The following GNPDA2 variants were observed in gnomAD, a reference collection of about 807,000 sequenced individuals.
GNPDA2 encodes glcN6P deaminase 2.
A neutral mutation model predicts 27.0 loss-of-function variants in GNPDA2; 24 were observed. The ratio of observed to expected loss-of-function variants is 0.89; its 90% CI spans 0.64 to 1.25. The LOEUF is 1.25. GNPDA2 is among the 50% of genes most tolerant of loss of function. The pLI is 0.00. For synonymous variants in GNPDA2, 94 were observed against 108.4 expected (o/e 0.87, Z 0.83); for missense variants, 286 against 335.1 (o/e 0.85, Z 1.14).
At chr4:44,721,640 A>G (rs1294257704) in intron 2 of GNPDA2, among the ~76,000 whole-genome samples, 58 of 151,832 alleles carry the variant, frequency 3.8e-4, no homozygotes, top group East Asian at 3.9e-4. Context: ...TATATAATAT[A>G]TAATTTATAA....
intron 2 of GNPDA2, among the ~76,000 whole-genome samples, chr4:44,720,826 T>C (rs1717617108): frequency 6.6e-6 from 1 of 152,110 alleles, no homozygotes; most frequent in Non-Finnish European, 1.5e-5. Context: ...GTTGTAGATC[T>C]AAATACACAA....
rs1204481692 is a variant in GNPDA2 at position 44,701,836 on chromosome 4, C to G, written c.*1245G>C. Reference sequence around the variant, plus strand: ...ATTAAAGCAGCATAATTTACCCCATCCCCCACTTTTAACCATAAAACCCTA... The same window carrying G: ...ATTAAAGCAGCATAATTTACCCCATGCCCCACTTTTAACCATAAAACCCTA... On this transcript the variant is annotated 3_prime_UTR_variant, in exon 7 of 7. Transcript: ENST00000295448. 1 of 984,170 alleles carries G rather than the reference C, an allele frequency of 1.0e-6. No homozygotes were observed. Among genetic ancestry groups the G allele is most frequent in the East Asian group, 1.1e-4 (1 of 8,794 alleles). 61.0% of individuals were successfully genotyped at this position (984,170 alleles called of 1,614,324 possible).
chr4:44,722,018 C>A, intron 2 of GNPDA2, 66 bp downstream of exon 2: 1 of 1,235,320 alleles, frequency 8.1e-7, no homozygotes, highest in Non-Finnish European at 1.2e-6. Flanking sequence ...AAAAGAAACC[C>A]TTCAATTCCA....
At chr4:44,705,247 G>T in intron 6 of GNPDA2, 1 of 978,826 alleles carries the variant, frequency 1.0e-6, no homozygotes, top group Non-Finnish European at 1.2e-6. Flanking sequence ...CTCAATGGAG[G>T]TATGAAAAGT....
chr4:44,724,585 T>C (rs1327255747), intron 1 of GNPDA2, among the ~76,000 whole-genome samples: 1 of 152,050 alleles, frequency 6.6e-6, no homozygotes, highest in African/African-American at 2.4e-5. Context: ...TTATATTAAA[T>C]GGATCAGTCA....
At chr4:44,723,009 C>A (rs566596687) in intron 1 of GNPDA2, among the ~76,000 whole-genome samples, 154 of 152,190 alleles carry the variant, frequency 1.0e-3, no homozygotes, top group Admixed American at 2.2e-3. Context: ...ACAAAGTGAA[C>A]TAAATAAACT....
At chr4:44,707,264 T>C (rs1476986001) in intron 6 of GNPDA2, 1 of 155,114 alleles carries the variant, frequency 6.4e-6, no homozygotes, top group Non-Finnish European at 1.4e-5. Flanking sequence ...TATTTTAACA[T>C]TTAGACATTA....
rs1716352910 is a variant in GNPDA2, at chr4:44,702,734, A to G, written c.*347T>C. 2 of 1,073,678 alleles carry G rather than the reference A, an allele frequency of 1.9e-6. No homozygotes were observed. The highest frequency in any genetic ancestry group is 2.3e-6 in the Non-Finnish European group (2 of 887,812). 66.5% of individuals were successfully genotyped at this position (1,073,678 alleles called of 1,614,324 possible). A position where few individuals can be genotyped will look rare whatever the true frequency, so the allele number is the denominator to read the frequency against. On this transcript the variant is annotated 3_prime_UTR_variant, in exon 7 of 7. Coordinates refer to ENST00000295448, the MANE Select transcript of GNPDA2 (RefSeq NM_138335.3). Reference sequence around the variant, plus strand: ...GGAGTGTCTTGTCATTAAAAAATGAAATATACGCCACTGGAGTCATATCAC... The same window carrying G: ...GGAGTGTCTTGTCATTAAAAAATGAGATATACGCCACTGGAGTCATATCAC...
chr4:44,712,747 T>C (rs951866095), intron 4 of GNPDA2, among the ~76,000 whole-genome samples: 1 of 152,180 alleles, frequency 6.6e-6, no homozygotes, highest in Non-Finnish European at 1.5e-5. Flanking sequence ...TATAGAAGTG[T>C]ACAGCTAAGC....
chr4:44,726,451 G>T (rs888972331), intron 1 of GNPDA2, 23 bp downstream of exon 1: 1 of 152,216 alleles, frequency 6.6e-6, no homozygotes, highest in Non-Finnish European at 1.5e-5. Flanking sequence ...TGGCGCCCCC[G>T]CCGCACCCCC....
intron 6 of GNPDA2, chr4:44,704,036 T>C (rs1329104510): frequency 1.0e-6 from 1 of 985,144 alleles, no homozygotes; most frequent in Non-Finnish European, 1.2e-6. Context: ...GGTTGCTTGT[T>C]AGTAAACAGA....
At chr4:44,707,551 CTCT>C in intron 6 of GNPDA2, 198 bp downstream of exon 6, 1 of 371,548 alleles carries the variant, frequency 2.7e-6, no homozygotes, top group South Asian at 8.4e-5. Context: ...TGAAGAGATT[CTCT>C]TCATGAAAAA....
rs911343338 is a variant in GNPDA2, at chr4:44,722,065, G to T, written c.124+19C>A. On this transcript the variant is annotated intron_variant, in intron 2 of 6. Transcript: ENST00000295448. Reference sequence around the variant, plus strand: ...TTTAGATAATATCAGAATATAAAATGGAAAAAGTAGTTAATTACCTGTTGG... The same window carrying T: ...TTTAGATAATATCAGAATATAAAATTGAAAAAGTAGTTAATTACCTGTTGG... 1.9e-6 allele frequency: 3 copies of T among 1,562,214 alleles called. No homozygotes were observed. The African/African-American group carries it at 4.1e-5, about 21-fold the overall frequency.
chr4:44,704,612 T>G (rs959045827), intron 6 of GNPDA2: 9 of 797,868 alleles, frequency 1.1e-5, no homozygotes, highest in Non-Finnish European at 1.4e-5. Flanking sequence ...TTACTGTGAC[T>G]TTAGGTAAAA....
intron 4 of GNPDA2, among the ~76,000 whole-genome samples, chr4:44,715,655 G>A (rs1303435498): frequency 6.6e-6 from 1 of 151,952 alleles, no homozygotes; most frequent in Non-Finnish European, 1.5e-5. Context: ...TCTCAAAATT[G>A]AGTCATACGT....
intron 1 of GNPDA2, among the ~76,000 whole-genome samples, chr4:44,726,245 G>A (rs983862751): frequency 6.6e-6 from 1 of 152,126 alleles, no homozygotes; most frequent in African/African-American, 2.4e-5. Context: ...AGAGGAGAGG[G>A]CAGGGACGCC....
Position 44,722,183 on chromosome 4 carries a change from A to G in GNPDA2, c.25T>C (p.Tyr9His). ...GCTGCCCATTCACTAGCCAAGTCAT[A>G]GTTATCAAGAATTACAAGCCTCATT... is the stretch of plus-strand genomic sequence containing the variant. MRLVILDN[Y>H]DLASEWAAKY... The change falls in exon 2 of 7, where the codon TAT becomes CAT. Residue 9 changes from tyrosine (Y) to histidine (H), a missense_variant. Tyr to His is a moderately conservative substitution (Grantham distance 83). Transcript: ENST00000295448. 6.2e-7 allele frequency: 1 copy of G among 1,613,370 alleles called. No homozygotes were observed. The highest frequency in any genetic ancestry group is 8.5e-7 in the Non-Finnish European group (1 of 1,179,396).
At chr4:44,709,835 A>T (rs1716862030) in intron 5 of GNPDA2, among the ~76,000 whole-genome samples, 1 of 151,394 alleles carries the variant, frequency 6.6e-6, no homozygotes, top group Non-Finnish European at 1.5e-5. Context: ...AAAATCAGCC[A>T]GGCATGGTGG....
chr4:44,711,219 A>T (rs1028501076), intron 4 of GNPDA2, 82 bp from the exon 5 acceptor site: 4 of 735,664 alleles, frequency 5.4e-6, no homozygotes, highest in Non-Finnish European at 7.9e-6. Context: ...AACAAAAAAA[A>T]AATCACCTTG....
Sources: gnomAD v4.1 joint callset for allele counts (sites outside exome capture counted in the v4.1 genomes callset) on GRCh38, gnomAD v4.1.1 for gene constraint, MANE v1.5 for transcripts, NCBI Gene and HGNC (gene_info 2026-07-23, HGNC 2026-07-21) for gene names.